The following EZH1 variants were observed in gnomAD, a reference collection of about 807,000 sequenced individuals.
EZH1 encodes histone-lysine N-methyltransferase EZH1.
Under a neutral mutation model 100.5 loss-of-function variants are expected in EZH1, and 33 were observed. The observed-to-expected ratio is 0.33, with a 90% CI of 0.25 to 0.44. The LOEUF (loss-of-function observed/expected upper bound fraction) is 0.44, where lower values mean the gene tolerates loss of function less well. Among genes scored for constraint, EZH1 ranks in the 20% least tolerant of loss-of-function variants. EZH1 has a pLI of 1.00. For missense variants in EZH1, 475 were observed against 928.4 expected (o/e 0.51, Z 6.35); for synonymous variants, 272 against 313.8 (o/e 0.87, Z 1.41).
chr17:42,730,861 C>A lies in EZH1; in HGVS notation c.-45G>T. ...ATGCAAGGGGAAGTGTTGGGTTTTA[C>A]AGTGTGCCTCTGTTCTTCAGGAGAA... On this transcript the variant is annotated 5_prime_UTR_variant, in exon 2 of 21. Coordinates refer to ENST00000428826, the MANE Select transcript of EZH1 (RefSeq NM_001991.5). 2 of 985,514 alleles carry A rather than the reference C, an allele frequency of 2.0e-6. No individual in the cohort carries two copies. The highest frequency in any genetic ancestry group is 2.4e-6 in the Non-Finnish European group (2 of 829,916). The allele number at this position is 985,514 out of a possible 1,614,324, so 61.0% of individuals were successfully genotyped here.
At chr17:42,709,991 G>C in intron 12 of EZH1, 54 bp from the exon 13 acceptor site, 1 of 1,533,100 alleles carries the variant, frequency 6.5e-7, no homozygotes, top group Non-Finnish European at 9.0e-7. Flanking sequence ...GGTCAGGTAA[G>C]TGGCCCAGCT....
chr17:42,703,717 C>G, intron 19 of EZH1, 23 bp downstream of exon 19: 1 of 1,567,382 alleles, frequency 6.4e-7, no homozygotes, highest in Non-Finnish European at 8.8e-7. Context: ...CCCCACCCCA[C>G]CTCCCAGGTT....
intron 1 of EZH1, among the ~76,000 whole-genome samples, chr17:42,742,873 T>C (rs2054202181): frequency 6.6e-6 from 1 of 151,226 alleles, no homozygotes. Context: ...CTCTCTCCCT[T>C]TTTTTTTTCT....
intron 2 of EZH1, 66 bp from the exon 3 acceptor site, chr17:42,729,018 A>G: frequency 7.4e-7 from 1 of 1,346,374 alleles, no homozygotes; most frequent in African/African-American, 1.5e-5. Context: ...TCAAATACAA[A>G]AAAAAAAAAA....
chr17:42,705,949 C>A, intron 16 of EZH1, 58 bp downstream of exon 16: 1 of 1,481,952 alleles, frequency 6.7e-7, no homozygotes, highest in Non-Finnish European at 9.1e-7. Flanking sequence ...ATGCTTGGGA[C>A]CGTTCCTTCC....
chr17:42,709,739 G>A, intron 13 of EZH1, 107 bp downstream of exon 13: 1 of 1,010,598 alleles, frequency 9.9e-7, no homozygotes, highest in Non-Finnish European at 1.5e-6. Context: ...GGCTCACACA[G>A]CCTGTGCGGT....
At chr17:42,720,148 TCTC>T in intron 7 of EZH1, 122 bp downstream of exon 7, 1 of 926,544 alleles carries the variant, frequency 1.1e-6, no homozygotes. Context: ...ATGATCATGT[TCTC>T]CTTTTAAGTG....
intron 2 of EZH1, 109 bp downstream of exon 2, chr17:42,730,719 A>C (rs2053929567): frequency 7.9e-6 from 2 of 254,634 alleles, no homozygotes; most frequent in African/African-American, 4.6e-5. Flanking sequence ...GATGGTCTCG[A>C]TCTCCTGACC....
At chr17:42,709,173 T>G in intron 13 of EZH1, 2 of 538,506 alleles carry the variant, frequency 3.7e-6, no homozygotes. Flanking sequence ...AACACAGAAA[T>G]AAAAGAAAGC....
At chr17:42,704,514 C>T (rs555136505) in intron 18 of EZH1, 88 bp downstream of exon 18, 6 of 1,075,040 alleles carry the variant, frequency 5.6e-6, no homozygotes, top group Non-Finnish European at 6.9e-6. Context: ...CACCATTGCA[C>T]CCTAGCCTGG....
At chr17:42,710,637 T>G (rs112999331) in intron 12 of EZH1, among the ~76,000 whole-genome samples, 1,586 of 150,698 alleles carry the variant, frequency 0.011, 42 homozygotes, top group African/African-American at 0.037. Context: ...TTGTTTTTTT[T>G]TTTTTTTTTT....
At chr17:42,702,655 A>C in intron 20 of EZH1, 63 bp from the exon 21 acceptor site, 1 of 1,498,788 alleles carries the variant, frequency 6.7e-7, no homozygotes, top group Non-Finnish European at 9.1e-7. Context: ...GAAAAGGCGG[A>C]GTCCCCTCCC....
intron 11 of EZH1, among the ~76,000 whole-genome samples, 172 bp downstream of exon 11, chr17:42,713,037 C>CA (rs10664421): frequency 0.02 from 1,695 of 83,776 alleles, 74 homozygotes; most frequent in African/African-American, 0.062. Context: ...GAGACTGTTT[C>CA]AAAAAAAAAA....
At chr17:42,722,762 C>A in intron 6 of EZH1, 33 bp downstream of exon 6, 1 of 1,600,570 alleles carries the variant, frequency 6.2e-7, no homozygotes, top group Non-Finnish European at 8.5e-7. Flanking sequence ...CTGATTCTAA[C>A]AAAATTTTCT....
rs1350683013 is a variant in EZH1, at chr17:42,706,703, A to T, written c.1661-518T>A. On this transcript the variant is annotated intron_variant, in intron 15 of 20. Transcript: ENST00000428826. This position sits in a 1 kb window ranked among gnomAD's most constrained non-coding sequence, Gnocchi z 4.4. ...GATCCTGTCTCAAAAAAATTTAAAA[A>T]ATGAAAAAAAAAGCAGGTATACTAA... Among the ~76,000 whole-genome samples, 1 of 152,006 alleles carries T rather than the reference A, an allele frequency of 6.6e-6. No homozygotes were observed. The highest frequency in any genetic ancestry group is 1.5e-5 in the Non-Finnish European group (1 of 68,000).
intron 1 of EZH1, among the ~76,000 whole-genome samples, chr17:42,739,577 A>T (rs2054136310): frequency 6.6e-6 from 1 of 151,862 alleles, no homozygotes; most frequent in Non-Finnish European, 1.5e-5. Context: ...AAAATACAAA[A>T]TTAGCCGGGC....
At chr17:42,705,240 T>C in intron 16 of EZH1, 57 bp from the exon 17 acceptor site, 1 of 916,130 alleles carries the variant, frequency 1.1e-6, no homozygotes, top group Non-Finnish European at 1.8e-6. Context: ...AGGGGGTGTG[T>C]GCTGGATGTG....
intron 10 of EZH1, among the ~76,000 whole-genome samples, chr17:42,714,905 T>TAA (rs1199433315): frequency 7.2e-6 from 1 of 138,110 alleles, no homozygotes; most frequent in African/African-American, 2.7e-5. Context: ...TATGGAAATA[T>TAA]ATTATATAAT....
intron 11 of EZH1, among the ~76,000 whole-genome samples, chr17:42,712,932 G>A (rs542215981): frequency 2.6e-5 from 4 of 151,466 alleles, no homozygotes; most frequent in Admixed American, 1.3e-4. Flanking sequence ...CAGCTACTTG[G>A]GAGGCTGAGG....
Sources: gnomAD v4.1 joint callset for allele counts (sites outside exome capture counted in the v4.1 genomes callset) on GRCh38, gnomAD v4.1.1 for gene constraint, Gnocchi (gnomAD v3.1) non-coding constraint, MANE v1.5 for transcripts, NCBI Gene and HGNC (gene_info 2026-07-23, HGNC 2026-07-21) for gene names.